The following CCDC15 variants were observed in gnomAD, a reference collection of about 807,000 sequenced individuals.
CCDC15 encodes coiled-coil domain-containing protein 15.
CCDC15 carries 105 observed loss-of-function variants against 114.5 expected under a neutral mutation model. The ratio of observed to expected loss-of-function variants is 0.92; its 90% CI spans 0.78 to 1.08. The LOEUF is 1.08. Among genes scored for constraint, CCDC15 ranks in the 50% least tolerant of loss-of-function variants. The pLI, the probability that CCDC15 is intolerant of heterozygous loss-of-function variation, is 0.00. For missense variants in CCDC15, 1,105 were observed against 1,093.6 expected (o/e 1.01, Z -0.15); for synonymous variants, 334 against 377.8 (o/e 0.88, Z 1.34).
chr11:125,027,759 T>G (rs1347465399), intron 13 of CCDC15, among the ~76,000 whole-genome samples: 1 of 152,198 alleles, frequency 6.6e-6, no homozygotes, highest in African/African-American at 2.4e-5. Flanking sequence ...TTATTTTTTT[T>G]TTGTTTTTGT....
chr11:124,990,808 A>G (rs1591594638), intron 8 of CCDC15, among the ~76,000 whole-genome samples: 2 of 152,344 alleles, frequency 1.3e-5, no homozygotes, highest in Middle Eastern at 6.8e-3. Context: ...TGAAAGATGG[A>G]AAAAGGAGTG....
chr11:124,986,989 G>T, intron 7 of CCDC15, 101 bp downstream of exon 7: 1 of 1,387,552 alleles, frequency 7.2e-7, no homozygotes. Context: ...TGTTAAGTTG[G>T]ACAAAGATTA....
In CCDC15 at chr11:124,959,954, T is replaced by G. The variant is rs759880190; in HGVS notation, c.467T>G (p.Ile156Arg). 1.9e-6 allele frequency: 3 copies of G among 1,583,582 alleles called. No individual in the cohort carries two copies. The highest frequency in any genetic ancestry group is 4.5e-5 in the East Asian group (2 of 44,144). The change falls in exon 4 of 16, where the codon ATA becomes AGA. Residue 156 changes from isoleucine (I) to arginine (R), a missense_variant. Ile to Arg is a moderately conservative substitution (Grantham distance 97, BLOSUM62 -3). Coordinates refer to ENST00000344762, the MANE Select transcript of CCDC15 (RefSeq NM_025004.3). ...LPPSLMPGDG[I>R]EDEENQNELF... Reference sequence around the variant, plus strand: ...CCTTCCCTGATGCCTGGGGATGGAATAGAGGATGAAGAGAATCAGAACGAA... The same window carrying G: ...CCTTCCCTGATGCCTGGGGATGGAAGAGAGGATGAAGAGAATCAGAACGAA...
At chr11:124,961,907 A>G (rs998952628) in intron 4 of CCDC15, among the ~76,000 whole-genome samples, 12 of 152,198 alleles carry the variant, frequency 7.9e-5, no homozygotes, top group Non-Finnish European at 1.6e-4. Flanking sequence ...GGGAATAAGT[A>G]ATGGAACCTT....
Position 125,005,172 on chromosome 11 carries a change from GAAC to G in CCDC15, c.2377_2379del (p.Gln793del). The stretch of plus-strand genomic sequence containing the variant: ...GGATATTGAGAGAGAACAAGTTAAA[GAAC>G]AACAAAGGCAAAAAGAACAAAAGAA... On this transcript the variant is annotated inframe_deletion, in exon 13 of 16. Coordinates refer to ENST00000344762, the MANE Select transcript of CCDC15 (RefSeq NM_025004.3). The G allele has an allele frequency of 6.4e-7, 1 of 1,572,688 alleles. No homozygotes were observed. Among genetic ancestry groups the G allele is most frequent in the Non-Finnish European group, 8.7e-7 (1 of 1,153,734 alleles).
intron 4 of CCDC15, among the ~76,000 whole-genome samples, chr11:124,965,795 T>C (rs778067768): frequency 2.6e-5 from 4 of 152,238 alleles, no homozygotes; most frequent in Non-Finnish European, 5.9e-5. Flanking sequence ...TAAATTTCCC[T>C]CTACACACTG....
Position 124,992,584 on chromosome 11 carries a change from C to G in CCDC15, c.2036C>G (p.Pro679Arg). ...QDQDDIKNQQ[P>R]ASFMREERVR... ...CTTTAAAATATGTTTCTCAAGCAACCTGCATCTTTTATGAGAGAAGAAAGA... is the reference window on the plus strand; with the variant it reads ...CTTTAAAATATGTTTCTCAAGCAACGTGCATCTTTTATGAGAGAAGAAAGA... Residue 679 changes from proline (P) to arginine (R), a missense_variant, in exon 10 of 16, where the codon CCT (proline) becomes CGT (arginine). Pro to Arg is a moderately radical substitution (Grantham distance 103, BLOSUM62 -2). Coordinates refer to ENST00000344762, the MANE Select transcript of CCDC15 (RefSeq NM_025004.3). The G allele has an allele frequency of 6.3e-7, 1 of 1,579,116 alleles. No homozygotes were observed.
chr11:124,987,573 C>A lies in CCDC15; in HGVS notation c.1347C>A (p.Phe449Leu), dbSNP rs1948192384. Reference protein sequence around the residue: ...SILLKYQDQDFLPRDQHVLHK... With the variant: ...SILLKYQDQDLLPRDQHVLHK... ...TACTCAAATATCAGGACCAGGACTT[C>A]CTACCCAGAGACCAGCATGTTCTCC... is the stretch of plus-strand genomic sequence containing the variant. Residue 449 changes from phenylalanine to leucine, a missense_variant, in exon 8 of 16, where the codon TTC (phenylalanine) becomes TTA (leucine). Coordinates refer to ENST00000344762, the MANE Select transcript of CCDC15 (RefSeq NM_025004.3). 12 of 1,613,854 alleles carry A rather than the reference C, an allele frequency of 7.4e-6. No homozygotes were observed. The highest frequency in any genetic ancestry group is 1.0e-5 in the Non-Finnish European group (12 of 1,179,846).
At chr11:124,992,742 A>G (rs1948293334) in intron 10 of CCDC15, 55 bp downstream of exon 10, 1 of 978,764 alleles carries the variant, frequency 1.0e-6, no homozygotes, top group African/African-American at 1.7e-5. Flanking sequence ...GAACAAGCCT[A>G]AATCATATTA....
chr11:124,973,708 T>C (rs754223214), intron 4 of CCDC15, among the ~76,000 whole-genome samples: 2 of 151,576 alleles, frequency 1.3e-5, no homozygotes, highest in Non-Finnish European at 2.9e-5. Context: ...ACTGCAGCCT[T>C]GAACTCCAGG....
chr11:124,977,657 G>T lies in CCDC15; in HGVS notation c.753+57G>T. The T allele has an allele frequency of 3.3e-6, 5 of 1,528,724 alleles. No homozygotes were observed. In the South Asian group the frequency reaches 5.0e-5, roughly 15 times the overall value. 94.7% of individuals were successfully genotyped at this position (1,528,724 alleles called of 1,614,324 possible). A position where few individuals can be genotyped will look rare whatever the true frequency, so the allele number is the denominator to read the frequency against. ...CATTGGCTTATTAGAAGTATCCACA[G>T]CTAACTAAGGATGGGATAAAGGGTT... On this transcript the variant is annotated intron_variant, in intron 6 of 15. Transcript: ENST00000344762.
At chr11:125,003,506 A>G (rs1490617843) in intron 11 of CCDC15, among the ~76,000 whole-genome samples, 1 of 151,984 alleles carries the variant, frequency 6.6e-6, no homozygotes, top group Non-Finnish European at 1.5e-5. Context: ...TCATATATAG[A>G]ATTGAAATAT....
chr11:124,975,077 T>G lies in CCDC15; in HGVS notation c.517-19T>G, dbSNP rs1033320035. ...ACTTATCCTGCTTTTGTTTGCTTTC[T>G]TCCCCCTTTCCCTGGCAGCTTAGTG... is the stretch of plus-strand genomic sequence containing the variant. On this transcript the variant is annotated intron_variant, in intron 4 of 15. Transcript: ENST00000344762. 6.7e-7 allele frequency: 1 copy of G among 1,496,652 alleles called. No homozygotes were observed. The highest frequency in any genetic ancestry group is 9.1e-7 in the Non-Finnish European group (1 of 1,102,028). The allele number at this position is 1,496,652 out of a possible 1,614,324, so 92.7% of individuals were successfully genotyped here. A position where few individuals can be genotyped will look rare whatever the true frequency, so the allele number is the denominator to read the frequency against.
At chr11:124,956,451 A>G (rs1947551277) in intron 2 of CCDC15, among the ~76,000 whole-genome samples, 2 of 152,068 alleles carry the variant, frequency 1.3e-5, no homozygotes, top group African/African-American at 2.4e-5. Context: ...TGGAAAAAAA[A>G]AAGGAGTGGA....
chr11:125,027,747 A>G (rs1270676351), intron 13 of CCDC15, among the ~76,000 whole-genome samples: 1 of 148,624 alleles, frequency 6.7e-6, no homozygotes, highest in Non-Finnish European at 1.5e-5. Flanking sequence ...ATTAGGTACC[A>G]TTTATTTTTT....
chr11:124,992,492 G>C, intron 9 of CCDC15, 88 bp from the exon 10 acceptor site: 1 of 730,864 alleles, frequency 1.4e-6, no homozygotes, highest in Non-Finnish European at 2.3e-6. Flanking sequence ...CATTTCTCTG[G>C]AGTTTTCACT....
chr11:124,976,579 C>T lies in CCDC15; in HGVS notation c.631-899C>T, dbSNP rs569188930. On this transcript the variant is annotated intron_variant, in intron 5 of 15. Transcript: ENST00000344762. ...TATAGTTTGGGCCATTAGACTGACT[C>T]CAGGGTACTGTTAGATGAGGTGATT... Among the ~76,000 whole-genome samples, 4 of 151,994 alleles carry T rather than the reference C, an allele frequency of 2.6e-5. No homozygotes were observed. The East Asian group carries it at 7.7e-4, about 29-fold the overall frequency.
intron 13 of CCDC15, among the ~76,000 whole-genome samples, chr11:125,020,766 T>C (rs901556136): frequency 6.6e-6 from 1 of 152,012 alleles, no homozygotes. Context: ...AATAGAGGCT[T>C]TGAAGACATT....
At chr11:124,968,702 A>G (rs1021637873) in intron 4 of CCDC15, among the ~76,000 whole-genome samples, 1 of 146,558 alleles carries the variant, frequency 6.8e-6, no homozygotes, top group Non-Finnish European at 1.5e-5. Flanking sequence ...CAGGTAGCTC[A>G]GTTGGAAATG....
Sources: gnomAD v4.1 joint callset for allele counts (sites outside exome capture counted in the v4.1 genomes callset) on GRCh38, gnomAD v4.1.1 for gene constraint, MANE v1.5 for transcripts, NCBI Gene and HGNC (gene_info 2026-07-23, HGNC 2026-07-21) for gene names.